The following LMNB2 variants were observed in gnomAD, a reference collection of about 807,000 sequenced individuals.
LMNB2 encodes lamin B2, also known as lamin-B2.
A neutral mutation model predicts 69.3 loss-of-function variants in LMNB2; 17 were observed. That is an observed-to-expected ratio of 0.25 (90% confidence interval 0.17 to 0.37). The LOEUF is 0.37. Ranked by LOEUF, LMNB2 falls within the 10% of genes least tolerant of loss-of-function variation. The pLI, the probability that LMNB2 is intolerant of heterozygous loss-of-function variation, is 1.00. For synonymous variants in LMNB2, 397 were observed against 389.3 expected, an observed-to-expected ratio of 1.02 and a Z score of -0.23; for missense variants, 789 against 883.6, an observed-to-expected ratio of 0.89 and a Z score of 1.36.
rs192834009 is a variant in LMNB2, at chr19:2,434,667, G to A, written c.981+121C>T. 1.3e-3 allele frequency: 1,917 copies of A among 1,503,142 alleles called. 13 individuals carry two copies. The African/African-American group carries it at 0.024, about 18-fold the overall frequency. The allele number at this position is 1,503,142 out of a possible 1,614,324, so 93.1% of individuals were successfully genotyped here. ...CACGGGAGGGGAGGGAAGGGGCATCGCTGGGCGCCCCGAGGGCTGCATCCG... is the reference window on the plus strand; with the variant it reads ...CACGGGAGGGGAGGGAAGGGGCATCACTGGGCGCCCCGAGGGCTGCATCCG... On this transcript the variant is annotated intron_variant, in intron 6 of 11. Coordinates refer to ENST00000325327, the MANE Select transcript of LMNB2 (RefSeq NM_032737.4).
intron 1 of LMNB2, among the ~76,000 whole-genome samples, chr19:2,449,448 T>C (rs1028050989): frequency 2.0e-5 from 3 of 152,244 alleles, no homozygotes; most frequent in Non-Finnish European, 4.4e-5. Flanking sequence ...TAATAGTTTG[T>C]TCATTGTAGA....
intron 4 of LMNB2, among the ~76,000 whole-genome samples, chr19:2,437,799 C>G (rs1403701526): frequency 7.2e-6 from 1 of 138,618 alleles, no homozygotes; most frequent in East Asian, 2.1e-4. Flanking sequence ...AACTCCATCT[C>G]AAAAAAAGAC....
rs754295307 is a variant in LMNB2, at chr19:2,434,941, G to GGT, written c.856-29_856-28insAC. The GGT allele has an allele frequency of 2.7e-4, 425 of 1,586,196 alleles. 1 individual carries two copies. The African/African-American group carries it at 3.3e-3, about 12-fold the overall frequency. On this transcript the variant is annotated intron_variant, in intron 5 of 11. Transcript: ENST00000325327. ...GTGGGGAGACGGGCGGGTGAGTGCG[G>GGT]GCGCGGGGCGGGGCGGGGTTCCCAC...
intron 9 of LMNB2, 57 bp from the exon 10 acceptor site, chr19:2,431,959 G>C: frequency 2.6e-6 from 4 of 1,558,718 alleles, no homozygotes; most frequent in East Asian, 2.4e-5. Flanking sequence ...AGGGACGTGG[G>C]CCAGCCAGTG....
chr19:2,434,982 ACCCGCCTG>A lies in LMNB2; in HGVS notation c.855+11_855+18del. The A allele has an allele frequency of 4.1e-6, 4 of 969,258 alleles. No individual in the cohort carries two copies. The highest frequency in any genetic ancestry group is 6.0e-6 in the Non-Finnish European group (4 of 666,950). 60.0% of individuals were successfully genotyped at this position (969,258 alleles called of 1,614,324 possible). On this transcript the variant is annotated intron_variant, in intron 5 of 11. Transcript: ENST00000325327. ...GGGTTCCCACCGGCCGCCCCCGCCC[ACCCGCCTG>A]CCGGCCACACCTTGGCCTGGTAGGT...
At chr19:2,455,918 T>C (rs1972081806) in intron 1 of LMNB2, among the ~76,000 whole-genome samples, 1 of 147,292 alleles carries the variant, frequency 6.8e-6, no homozygotes, top group Admixed American at 6.7e-5. Flanking sequence ...CACCCCTCAC[T>C]CAGGGACCCC....
At chr19:2,444,334 G>A (rs1971929623) in intron 2 of LMNB2, 70 bp downstream of exon 2, 5 of 1,584,040 alleles carry the variant, frequency 3.2e-6, no homozygotes, top group East Asian at 2.2e-5. Context: ...CGAGCCCAGC[G>A]CCCACCTGCC....
chr19:2,449,415 A>C (rs755367912), intron 1 of LMNB2, among the ~76,000 whole-genome samples: 3 of 152,254 alleles, frequency 2.0e-5, no homozygotes, highest in Non-Finnish European at 4.4e-5. Context: ...TATCCCTGTC[A>C]CTAAACGACA....
rs1163436739 is a variant in LMNB2, at chr19:2,434,890, A to G, written c.879T>C (p.Ser293=). ...QAKLDSAKLS[S]DQNDKAASAA... ...CACTGGCCGCCTTGTCGTTCTGGTC[A>G]GAGCTCAGCTTGGCGCTGTCCAGCT... The change falls in exon 6 of 12, where the codon TCT becomes TCC. Residue 293 remains serine, a synonymous_variant. Coordinates refer to ENST00000325327, the MANE Select transcript of LMNB2 (RefSeq NM_032737.4). 1 of 1,606,030 alleles carries G rather than the reference A, an allele frequency of 6.2e-7. No individual in the cohort carries two copies. The highest frequency in any genetic ancestry group is 8.5e-7 in the Non-Finnish European group (1 of 1,179,308).
chr19:2,430,682 G>A lies in LMNB2; in HGVS notation c.*229C>T. 1.6e-6 allele frequency: 1 copy of A among 616,276 alleles called. No individual in the cohort carries two copies. 38.2% of individuals were successfully genotyped at this position (616,276 alleles called of 1,614,324 possible). On this transcript the variant is annotated 3_prime_UTR_variant, in exon 12 of 12. Transcript: ENST00000325327. ...TTCCAATTTGACCAAATGGTGAGAT[G>A]AGGAGTGGGGTGGGATTGAAAAGTC... is the stretch of plus-strand genomic sequence containing the variant.
chr19:2,441,117 C>T (rs536497250), intron 2 of LMNB2, among the ~76,000 whole-genome samples: 3 of 152,376 alleles, frequency 2.0e-5, no homozygotes, highest in East Asian at 1.9e-4. Context: ...AGGTCAGACA[C>T]GAGCTACGGG....
chr19:2,435,262 T>A, intron 4 of LMNB2, 91 bp from the exon 5 acceptor site: 1 of 1,514,502 alleles, frequency 6.6e-7, no homozygotes, highest in Non-Finnish European at 8.9e-7. Context: ...AAGAGGAACC[T>A]CCAGGCAATT....
At position 2,431,173 on chromosome 19, in the gene LMNB2, C is replaced by T. The variant is rs538426045; in HGVS notation, c.1822-221G>A. ...CAGTCACAGGAACTTGCGACGCACG[C>T]GTTTAATGCAGCTGTGGTTTCTGCA... On this transcript the variant is annotated intron_variant, in intron 11 of 11. Transcript: ENST00000325327. Among the ~76,000 whole-genome samples, 29 of 152,330 alleles carry T rather than the reference C, an allele frequency of 1.9e-4. 1 individual carries two copies. The South Asian group carries it at 4.8e-3, about 25-fold the overall frequency.
chr19:2,454,292 C>CAA lies in LMNB2; in HGVS notation c.264+2376_264+2377dup, dbSNP rs58800585. Among the ~76,000 whole-genome samples, 209 of 80,906 alleles carry CAA rather than the reference C, an allele frequency of 2.6e-3. 1 individual carries two copies. Among genetic ancestry groups the CAA allele is most frequent in the African/African-American group, 4.9e-3 (109 of 22,410 alleles). 53.1% of individuals were successfully genotyped at this position (80,906 alleles called of 152,430 possible). ...TGGACGACGGAGCGAGACTCTATCT[C>CAA]AAAAAAAAAAAAAAAAAAAAAGAAA... On this transcript the variant is annotated intron_variant, in intron 1 of 11. Coordinates refer to ENST00000325327, the MANE Select transcript of LMNB2 (RefSeq NM_032737.4).
At chr19:2,435,535 G>C (rs908364828) in intron 4 of LMNB2, among the ~76,000 whole-genome samples, 9 of 152,192 alleles carry the variant, frequency 5.9e-5, no homozygotes, top group African/African-American at 2.2e-4. Context: ...GGGATGCGTG[G>C]GGGCCAGGGC....
At chr19:2,437,509 G>A (rs1971842057) in intron 4 of LMNB2, among the ~76,000 whole-genome samples, 2 of 152,226 alleles carry the variant, frequency 1.3e-5, no homozygotes, top group South Asian at 2.1e-4. Flanking sequence ...ACACTGAAGA[G>A]ATATGTTTTG....
Position 2,428,910 on chromosome 19 carries a change from C to A in LMNB2, c.*2001G>T, listed in dbSNP as rs372589275. 10 of 152,346 alleles carry A rather than the reference C, an allele frequency of 6.6e-5. No individual in the cohort carries two copies. In the East Asian group the frequency reaches 1.5e-3, roughly 24 times the overall value. The allele number at this position is 152,346 out of a possible 1,614,324, so 9.4% of individuals were successfully genotyped here. ...GGCACCCGCAGTCCTAGGACCACCCCCAGCTCCACCCAAGGCAAATGTAGG... is the reference window on the plus strand; with the variant it reads ...GGCACCCGCAGTCCTAGGACCACCCACAGCTCCACCCAAGGCAAATGTAGG... On this transcript the variant is annotated 3_prime_UTR_variant, in exon 12 of 12. Transcript: ENST00000325327.
At chr19:2,444,937 G>A (rs1301983932) in intron 1 of LMNB2, among the ~76,000 whole-genome samples, 1 of 152,198 alleles carries the variant, frequency 6.6e-6, no homozygotes, top group Non-Finnish European at 1.5e-5. Flanking sequence ...TTCCCCGGAG[G>A]ACCAGCCACA....
chr19:2,452,184 ACACC>A (rs1259119595), intron 1 of LMNB2, among the ~76,000 whole-genome samples: 2 of 152,028 alleles, frequency 1.3e-5, no homozygotes, highest in Non-Finnish European at 2.9e-5. Flanking sequence ...CCGCCAAAAG[ACACC>A]CCCTAGTGTC....
Sources: allele counts gnomAD v4.1 joint callset (sites outside exome capture counted in the v4.1 genomes callset), GRCh38; gene constraint gnomAD v4.1.1; transcripts MANE v1.5; gene names NCBI Gene and HGNC (gene_info 2026-07-23, HGNC 2026-07-21).